The following NAV2 variants were observed in gnomAD, a reference collection of about 807,000 sequenced individuals.
NAV2 encodes neuron navigator 2, also known as helicase, APC down-regulated 1.
NAV2 carries 54 observed loss-of-function variants against 223.2 expected under a neutral mutation model. That is an observed-to-expected ratio of 0.24 (90% CI 0.19 to 0.30). NAV2 has a LOEUF of 0.30. Among genes scored for constraint, NAV2 ranks in the 10% least tolerant of loss-of-function variants. The pLI is 1.00. For synonymous variants in NAV2, 1,279 were observed against 1,239.3 expected, an observed-to-expected ratio of 1.03 and a Z score of -0.67; for missense variants, 2,806 against 3,147.5, an observed-to-expected ratio of 0.89 and a Z score of 2.60.
chr11:19,490,177 G>A (rs991433730), intron 1 of NAV2, among the ~76,000 whole-genome samples: 1 of 152,144 alleles, frequency 6.6e-6, no homozygotes, highest in African/African-American at 2.4e-5. Context: ...GCTAGTGGAC[G>A]GTCTTGCCTC....
chr11:19,409,310 C>T (rs2133379520), intron 1 of NAV2, among the ~76,000 whole-genome samples: 1 of 152,332 alleles, frequency 6.6e-6, no homozygotes, highest in East Asian at 1.9e-4. Context: ...TCAGATTTAA[C>T]AAAGCATGGA....
chr11:19,630,358 T>C (rs553998076), intron 1 of NAV2, among the ~76,000 whole-genome samples: 3 of 152,300 alleles, frequency 2.0e-5, no homozygotes, highest in South Asian at 4.1e-4. Flanking sequence ...GAGAAGGTCA[T>C]TTAGCTTCTC....
chr11:19,958,817 T>A (rs1407941070), intron 10 of NAV2, among the ~76,000 whole-genome samples: 1 of 152,070 alleles, frequency 6.6e-6, no homozygotes, highest in East Asian at 1.9e-4. Context: ...CATTGTCATG[T>A]TATTATGAGG....
At chr11:19,995,220 CTTGT>C (rs1383441424) in intron 11 of NAV2, among the ~76,000 whole-genome samples, 2 of 152,186 alleles carry the variant, frequency 1.3e-5, no homozygotes, top group African/African-American at 4.8e-5. Context: ...AGTCAGTGTT[CTTGT>C]TTATTACTTG....
At chr11:19,566,329 C>T (rs1001796169) in intron 1 of NAV2, among the ~76,000 whole-genome samples, 2 of 152,240 alleles carry the variant, frequency 1.3e-5, no homozygotes, top group South Asian at 4.2e-4. Context: ...TCACCCACCT[C>T]GGCCTCCCAA....
At chr11:19,874,499 G>A (rs2062724939) in intron 4 of NAV2, among the ~76,000 whole-genome samples, 1 of 152,190 alleles carries the variant, frequency 6.6e-6, no homozygotes, top group African/African-American at 2.4e-5. Flanking sequence ...CTTTTCCAAA[G>A]CCTTGGGGAA....
intron 1 of NAV2, among the ~76,000 whole-genome samples, chr11:19,660,852 A>T (rs2048257957): frequency 2.0e-5 from 3 of 152,198 alleles, no homozygotes; most frequent in African/African-American, 7.2e-5. Context: ...CAATCATAAT[A>T]GCACTTTTCT....
intron 12 of NAV2, among the ~76,000 whole-genome samples, chr11:20,042,404 C>T (rs1360223252): frequency 6.6e-6 from 1 of 152,140 alleles, no homozygotes; most frequent in Admixed American, 6.5e-5. Flanking sequence ...GTAGGAACTC[C>T]CCTCTCTCTG....
intron 6 of NAV2, among the ~76,000 whole-genome samples, chr11:19,900,277 A>T (rs2042338320): frequency 1.4e-4 from 8 of 58,938 alleles, no homozygotes; most frequent in Non-Finnish European, 5.4e-4. Flanking sequence ...GGAGGAATAA[A>T]CAAGAAGTTG....
At chr11:19,887,640 G>A (rs2041127675) in intron 5 of NAV2, among the ~76,000 whole-genome samples, 1 of 152,090 alleles carries the variant, frequency 6.6e-6, no homozygotes, top group Admixed American at 6.5e-5. Context: ...GGTATTTTGG[G>A]TTCATCTGGG....
chr11:19,833,260 G>T (rs1387660107), intron 2 of NAV2, among the ~76,000 whole-genome samples: 1 of 152,202 alleles, frequency 6.6e-6, no homozygotes, highest in Admixed American at 6.5e-5. Context: ...AGGTCAATTG[G>T]ACAGCATTAG....
intron 1 of NAV2, among the ~76,000 whole-genome samples, chr11:19,435,357 T>C (rs1203774731): frequency 6.6e-6 from 1 of 152,176 alleles, no homozygotes. Context: ...TTATTTCACT[T>C]GGCATAATGT....
intron 1 of NAV2, among the ~76,000 whole-genome samples, chr11:19,547,847 T>C (rs2044553975): frequency 1.3e-5 from 2 of 152,230 alleles, no homozygotes; most frequent in Non-Finnish European, 2.9e-5. Context: ...ATTTTTAAGA[T>C]GTTTCTGGGT....
chr11:20,049,742 A>T, intron 15 of NAV2, 94 bp from the exon 16 acceptor site: 1 of 1,195,580 alleles, frequency 8.4e-7, no homozygotes, highest in Non-Finnish European at 1.2e-6. Flanking sequence ...AGCGAGGATC[A>T]GCATGGGGAA....
At chr11:19,479,853 CACACACACT>C (rs1373712814) in intron 1 of NAV2, among the ~76,000 whole-genome samples, 4 of 152,264 alleles carry the variant, frequency 2.6e-5, no homozygotes. Context: ...TGCATGTGCG[CACACACACT>C]TCTCAGCCCC....
intron 1 of NAV2, among the ~76,000 whole-genome samples, chr11:19,829,024 T>A (rs2059797173): frequency 6.6e-6 from 1 of 152,234 alleles, no homozygotes; most frequent in Non-Finnish European, 1.5e-5. Flanking sequence ...GGCTTCTTGC[T>A]GTGTTGTGCA....
At position 19,905,005 on chromosome 11, in the gene NAV2, A is replaced by G. The variant is rs200380727; in HGVS notation, c.931+12411A>G. ...CCTCAGTAATTTCACACATATCCCC[A>G]CAGTTTATTAGAGTTCCCAAAACCC... is the stretch of plus-strand genomic sequence containing the variant. On this transcript the variant is annotated intron_variant, in intron 6 of 37. Transcript: ENST00000349880. Among the ~76,000 whole-genome samples, 5 of 152,272 alleles carry G rather than the reference A, an allele frequency of 3.3e-5. No individual in the cohort carries two copies. In the East Asian group the frequency reaches 9.6e-4, roughly 29 times the overall value.
intron 1 of NAV2, among the ~76,000 whole-genome samples, chr11:19,773,457 G>A (rs2055881817): frequency 6.6e-6 from 1 of 152,156 alleles, no homozygotes; most frequent in Non-Finnish European, 1.5e-5. Flanking sequence ...CAGGGCCAGG[G>A]GATGGGTCAG....
rs1850224527 is a variant in NAV2, at chr11:19,413,284, G to A, written c.75+62257G>A. On this transcript the variant is annotated intron_variant, in intron 1 of 37. Transcript: ENST00000360655. ...CGAGAACTTCGTGAAGCATAAACAA[G>A]TATCAATACCCAAATCAATCAAGTG... is the stretch of plus-strand genomic sequence containing the variant. Among the ~76,000 whole-genome samples the A allele has an allele frequency of 2.6e-5, 4 of 152,036 alleles. No homozygotes were observed. The South Asian group carries it at 8.3e-4, about 32-fold the overall frequency.
Sources: allele counts gnomAD v4.1 joint callset (sites outside exome capture counted in the v4.1 genomes callset), GRCh38; gene constraint gnomAD v4.1.1; transcripts MANE v1.5; gene names NCBI Gene and HGNC (gene_info 2026-07-23, HGNC 2026-07-21).